The following GABRG3 variants were observed in gnomAD, a reference collection of about 807,000 sequenced individuals.
GABRG3 encodes the protein gamma-aminobutyric acid receptor subunit gamma-3.
Under a neutral mutation model 48.8 loss-of-function variants are expected in GABRG3, and 25 were observed. That is an observed-to-expected ratio of 0.51 (90% CI 0.37 to 0.72). The LOEUF (loss-of-function observed/expected upper bound fraction) is 0.72. Among genes scored for constraint, GABRG3 ranks in the 30% least tolerant of loss-of-function variants. The pLI is 0.00. For missense variants in GABRG3, 394 were observed against 577.9 expected, an observed-to-expected ratio of 0.68 and a Z score of 3.26; for synonymous variants, 227 against 217.6, an observed-to-expected ratio of 1.04 and a Z score of -0.38.
intron 3 of GABRG3, among the ~76,000 whole-genome samples, chr15:27,197,517 T>G (rs1888534098): frequency 6.6e-6 from 1 of 151,748 alleles, no homozygotes; most frequent in African/African-American, 2.4e-5. Flanking sequence ...AGAGAGCCAC[T>G]GCATGAGCCC....
intron 5 of GABRG3, among the ~76,000 whole-genome samples, chr15:27,413,971 T>C (rs1019448906): frequency 5.3e-5 from 8 of 152,204 alleles, no homozygotes; most frequent in African/African-American, 1.9e-4. Context: ...AAATTAAATT[T>C]GTATGGATAA....
At chr15:27,164,196 A>G (rs1887298601) in intron 3 of GABRG3, among the ~76,000 whole-genome samples, 1 of 152,166 alleles carries the variant, frequency 6.6e-6, no homozygotes, top group South Asian at 2.1e-4. Flanking sequence ...ATCCTTTACC[A>G]CATTTACTGT....
chr15:27,285,254 G>GGTGTGTGT (rs60880658), intron 3 of GABRG3, among the ~76,000 whole-genome samples: 33 of 142,560 alleles, frequency 2.3e-4, no homozygotes, highest in Middle Eastern at 3.6e-3. Flanking sequence ...TGAGCTTTCA[G>GGTGTGTGT]GTGTGTGTGT....
chr15:27,182,204 G>C (rs1356391743), intron 3 of GABRG3, among the ~76,000 whole-genome samples: 2 of 152,112 alleles, frequency 1.3e-5, no homozygotes, highest in Non-Finnish European at 2.9e-5. Context: ...AGTTTCTGCA[G>C]CTGACCTTTA....
chr15:27,057,555 G>A (rs1896571712), intron 3 of GABRG3, among the ~76,000 whole-genome samples: 1 of 152,168 alleles, frequency 6.6e-6, no homozygotes, highest in Non-Finnish European at 1.5e-5. Flanking sequence ...CACGATCCTA[G>A]AAGACGTGTC....
intron 3 of GABRG3, among the ~76,000 whole-genome samples, chr15:27,057,832 A>G (rs7403557): frequency 0.55 from 83,334 of 152,036 alleles, 26,940 homozygotes; most frequent in Non-Finnish European, 0.73. Context: ...AAGAAGTCCC[A>G]CTGATGAAGA....
chr15:27,034,810 C>T lies in GABRG3; in HGVS notation c.270+7989C>T, dbSNP rs11858863. Among the ~76,000 whole-genome samples the T allele has an allele frequency of 6.7e-3, 1,028 of 152,306 alleles. 11 individuals are homozygous for T. The highest frequency in any genetic ancestry group is 0.023 in the African/African-American group (975 of 41,560). On this transcript the variant is annotated intron_variant, in intron 3 of 9. Coordinates refer to ENST00000615808, the MANE Select transcript of GABRG3 (RefSeq NM_033223.5). ...AGTCCTTATCTCCCTCTGCCTCTCA[C>T]GTGCATGCCTGCTAGTCTGTTTTTG...
In GABRG3 at chr15:27,426,292, G is replaced by A. The variant is rs111310436; in HGVS notation, c.575-54358G>A. ...AAGCAGGCCTCGTTTTGTTAAGCCTGGTTTATAATGTGCTTGTCTGGGTTT... is the reference window on the plus strand; with the variant it reads ...AAGCAGGCCTCGTTTTGTTAAGCCTAGTTTATAATGTGCTTGTCTGGGTTT... On this transcript the variant is annotated intron_variant, in intron 5 of 9. Coordinates refer to ENST00000615808, the MANE Select transcript of GABRG3 (RefSeq NM_033223.5). Among the ~76,000 whole-genome samples the A allele has an allele frequency of 2.0e-5, 3 of 152,206 alleles. No individual in the cohort carries two copies. In the South Asian group the frequency reaches 6.2e-4, roughly 32 times the overall value.
intron 3 of GABRG3, among the ~76,000 whole-genome samples, chr15:27,229,433 G>T (rs1889727533): frequency 6.6e-6 from 1 of 150,490 alleles, no homozygotes; most frequent in Non-Finnish European, 1.5e-5. Flanking sequence ...CTGTTTCATT[G>T]GTCTGTGTGC....
chr15:27,145,626 T>TATC (rs1566946644), intron 3 of GABRG3, among the ~76,000 whole-genome samples: 2 of 76,038 alleles, frequency 2.6e-5, no homozygotes, highest in African/African-American at 4.6e-5. Flanking sequence ...TCTATCTATC[T>TATC]ATCTATCTAT....
intron 3 of GABRG3, among the ~76,000 whole-genome samples, chr15:27,058,088 G>C (rs1896583075): frequency 6.6e-6 from 1 of 152,202 alleles, no homozygotes; most frequent in African/African-American, 2.4e-5. Flanking sequence ...TGCATTTCGT[G>C]CTCATCTGCT....
intron 5 of GABRG3, among the ~76,000 whole-genome samples, chr15:27,438,813 C>A (rs961983812): frequency 6.6e-5 from 10 of 152,122 alleles, no homozygotes; most frequent in Non-Finnish European, 1.5e-5. Flanking sequence ...ACAAGTGGAC[C>A]GTGACACCCA....
chr15:27,489,243 G>C (rs1429390371), intron 6 of GABRG3, among the ~76,000 whole-genome samples: 1 of 152,172 alleles, frequency 6.6e-6, no homozygotes, highest in African/African-American at 2.4e-5. Flanking sequence ...ATTCCATGGT[G>C]TATATGTGCC....
At chr15:27,300,620 G>A (rs1441334672) in intron 3 of GABRG3, among the ~76,000 whole-genome samples, 1 of 144,586 alleles carries the variant, frequency 6.9e-6, no homozygotes, top group Non-Finnish European at 1.5e-5. Context: ...TCACGCCATT[G>A]CATTCCAGCC....
intron 6 of GABRG3, among the ~76,000 whole-genome samples, chr15:27,510,133 G>A (rs57816700): frequency 0.02 from 3,042 of 151,920 alleles, 116 homozygotes; most frequent in African/African-American, 0.069. Context: ...GGGAACATCT[G>A]TCTCTTGCAG....
chr15:27,290,252 A>T (rs1891752274), intron 3 of GABRG3, among the ~76,000 whole-genome samples: 2 of 152,190 alleles, frequency 1.3e-5, no homozygotes, highest in African/African-American at 4.8e-5. Flanking sequence ...AAAAGATTGA[A>T]TAAGACATTA....
intron 4 of GABRG3, among the ~76,000 whole-genome samples, chr15:27,328,334 G>A (rs1249810452): frequency 6.6e-6 from 1 of 152,192 alleles, no homozygotes; most frequent in Non-Finnish European, 1.5e-5. Context: ...TGCCCTGGGA[G>A]GATGCAGGGC....
chr15:27,124,518 A>G (rs1897785071), intron 3 of GABRG3, among the ~76,000 whole-genome samples: 1 of 152,218 alleles, frequency 6.6e-6, no homozygotes, highest in South Asian at 2.1e-4. Context: ...ATCCGGGGAA[A>G]TGGAGGGAGA....
chr15:27,506,378 G>A (rs1263188829), intron 6 of GABRG3, among the ~76,000 whole-genome samples: 1 of 152,176 alleles, frequency 6.6e-6, no homozygotes, highest in African/African-American at 2.4e-5. Flanking sequence ...AACTCAGAGA[G>A]TTGAGGCACC....
Sources: allele counts gnomAD v4.1 joint callset (sites outside exome capture counted in the v4.1 genomes callset), GRCh38; gene constraint gnomAD v4.1.1; transcripts MANE v1.5; gene names NCBI Gene and HGNC (gene_info 2026-07-23, HGNC 2026-07-21).